SPMIP7: variants seen among roughly 807,000 people sequenced by gnomAD.
SPMIP7 encodes the protein sperm microtubule inner protein 7.
chr7:50,131,525 T>G, the SPMIP7 span, among the ~76,000 whole-genome samples: 1 of 152,042 alleles, frequency 6.6e-6, no homozygotes, highest in African/African-American at 2.4e-5. Flanking sequence ...GCCATGGAAC[T>G]GAATGAGAAC....
At chr7:50,156,430 G>T in the SPMIP7 span, among the ~76,000 whole-genome samples, 1 of 151,864 alleles carries the variant, frequency 6.6e-6, no homozygotes, top group African/African-American at 2.4e-5. Context: ...AATATTAGCC[G>T]CTACTGTACT....
chr7:50,145,614 G>GTATA, the SPMIP7 span, among the ~76,000 whole-genome samples: 1,107 of 38,644 alleles, frequency 0.029, 58 homozygotes, highest in Non-Finnish European at 0.045. Flanking sequence ...GTGTATATGT[G>GTATA]TGTGTATATA....
At chr7:50,136,026 G>T in the SPMIP7 span, 13 of 1,122,790 alleles carry the variant, frequency 1.2e-5, no homozygotes, top group Non-Finnish European at 6.6e-6. Context: ...GACTGTCAAG[G>T]GGACAGGAGT....
At chr7:50,103,548 G>A in the SPMIP7 span, among the ~76,000 whole-genome samples, 5,320 of 152,158 alleles carry the variant, frequency 0.035, 119 homozygotes, top group Non-Finnish European at 0.052. Flanking sequence ...TTTTTAAGAG[G>A]CTATACCTAA....
chr7:50,109,621 C>T, the SPMIP7 span, among the ~76,000 whole-genome samples: 1,040 of 152,206 alleles, frequency 6.8e-3, 11 homozygotes, highest in Middle Eastern at 0.01. Context: ...GTGATCCACC[C>T]GCCTCGGCCT....
At chr7:50,146,033 G>A in the SPMIP7 span, among the ~76,000 whole-genome samples, 1 of 152,164 alleles carries the variant, frequency 6.6e-6, no homozygotes, top group Non-Finnish European at 1.5e-5. Context: ...GGAAAAGGGG[G>A]CTTCCCTGTC....
the SPMIP7 span, among the ~76,000 whole-genome samples, chr7:50,146,197 G>A: frequency 1.3e-5 from 2 of 152,164 alleles, no homozygotes; most frequent in Non-Finnish European, 2.9e-5. Context: ...ATAGTGTGAT[G>A]AGGCCAGAAA....
At chr7:50,140,214 T>C in the SPMIP7 span, 2 of 1,393,560 alleles carry the variant, frequency 1.4e-6, no homozygotes, top group African/African-American at 3.0e-5. Flanking sequence ...GTAAAAAAAT[T>C]TTAGATTTAT....
the SPMIP7 span, among the ~76,000 whole-genome samples, chr7:50,139,329 A>T: frequency 7.3e-5 from 11 of 150,730 alleles, no homozygotes; most frequent in African/African-American, 2.7e-4. Flanking sequence ...AGCCTAGGTG[A>T]CTAGAGCGAG....
chr7:50,147,030 T>A, the SPMIP7 span, among the ~76,000 whole-genome samples: 1 of 152,244 alleles, frequency 6.6e-6, no homozygotes, highest in South Asian at 2.1e-4. Context: ...TGGAATTAAA[T>A]GTGTCTGTCT....
chr7:50,138,971 G>A, the SPMIP7 span, among the ~76,000 whole-genome samples: 1 of 152,070 alleles, frequency 6.6e-6, no homozygotes, highest in Non-Finnish European at 1.5e-5. Flanking sequence ...GTATGGTTTT[G>A]CCAAATGTGT....
chr7:50,138,115 A>C, the SPMIP7 span, among the ~76,000 whole-genome samples: 1 of 152,098 alleles, frequency 6.6e-6, no homozygotes, highest in African/African-American at 2.4e-5. Context: ...TTTTTTCTAA[A>C]ATTTTCAAAA....
At chr7:50,112,952 A>T in the SPMIP7 span, among the ~76,000 whole-genome samples, 124,943 of 149,440 alleles carry the variant, frequency 0.84, 52,294 homozygotes, top group East Asian at 0.92. Flanking sequence ...GATCTATGTA[A>T]ACATAAAAGG....
the SPMIP7 span, among the ~76,000 whole-genome samples, chr7:50,112,344 T>G: frequency 1.7e-4 from 26 of 152,122 alleles, no homozygotes; most frequent in African/African-American, 6.3e-4. Context: ...TTTCTGGACC[T>G]TGGCATGGTC....
chr7:50,152,687 T>TATTC, the SPMIP7 span, among the ~76,000 whole-genome samples: 1 of 151,042 alleles, frequency 6.6e-6, no homozygotes, highest in Non-Finnish European at 1.5e-5. Flanking sequence ...TTTATTTATT[T>TATTC]ATTTATTTAT....
the SPMIP7 span, among the ~76,000 whole-genome samples, chr7:50,108,231 C>T: frequency 2.6e-5 from 4 of 152,104 alleles, no homozygotes; most frequent in Non-Finnish European, 5.9e-5. Context: ...ATAGTAGACA[C>T]ACAACATGTA....
chr7:50,134,909 C>T, the SPMIP7 span, among the ~76,000 whole-genome samples: 7 of 152,256 alleles, frequency 4.6e-5, no homozygotes, highest in South Asian at 2.1e-4. Context: ...CACTCCTTGA[C>T]GTGACACAGA....
At chr7:50,101,056 T>C in the SPMIP7 span, among the ~76,000 whole-genome samples, 1 of 152,334 alleles carries the variant, frequency 6.6e-6, no homozygotes, top group East Asian at 1.9e-4. Context: ...GAAGAAGTGA[T>C]GAATGGTAGC....
the SPMIP7 span, among the ~76,000 whole-genome samples, chr7:50,150,538 T>C: frequency 6.6e-5 from 10 of 152,332 alleles, no homozygotes; most frequent in African/African-American, 2.4e-4. Flanking sequence ...GTTCTTGGAC[T>C]TTGAAATACA....
Sources: gnomAD v4.1 joint callset for allele counts (sites outside exome capture counted in the v4.1 genomes callset) on GRCh38, gnomAD v4.1.1 for gene constraint, MANE v1.5 for transcripts, NCBI Gene and HGNC (gene_info 2026-07-23, HGNC 2026-07-21) for gene names.